SSBP3: variants seen among roughly 807,000 people sequenced by gnomAD.
The protein encoded by SSBP3 is single stranded DNA binding protein 3.
A neutral mutation model predicts 69.6 loss-of-function variants in SSBP3; 5 were observed. That is an observed-to-expected ratio of 0.07 (90% CI 0.04 to 0.15). SSBP3 has a LOEUF of 0.15. SSBP3 is among the 10% of genes least tolerant of loss of function. SSBP3 has a pLI of 1.00. For synonymous variants in SSBP3, 196 were observed against 193.4 expected, an observed-to-expected ratio of 1.01 and a Z score of -0.11; for missense variants, 312 against 534.0, an observed-to-expected ratio of 0.58 and a Z score of 4.10.
intron 4 of SSBP3, 49 bp from the exon 5 acceptor site, chr1:54,281,576 GAC>G (rs768909734): frequency 7.4e-5 from 111 of 1,507,138 alleles, no homozygotes; most frequent in Non-Finnish European, 1.6e-5. Flanking sequence ...CACAACCAGA[GAC>G]ACAGAGTTCT....
chr1:54,264,024 TG>T (rs1415248970), intron 5 of SSBP3, among the ~76,000 whole-genome samples: 4 of 152,130 alleles, frequency 2.6e-5, no homozygotes, highest in Non-Finnish European at 5.9e-5. Flanking sequence ...ACGAACAGGC[TG>T]GGCACATGGC....
chr1:54,299,916 C>A (rs1053301983), intron 4 of SSBP3, among the ~76,000 whole-genome samples: 6 of 152,186 alleles, frequency 3.9e-5, no homozygotes, highest in African/African-American at 9.7e-5. Context: ...CCCAGCTCCA[C>A]CGACATAATT....
intron 4 of SSBP3, among the ~76,000 whole-genome samples, chr1:54,292,635 C>A (rs974881500): frequency 2.6e-5 from 4 of 152,198 alleles, no homozygotes; most frequent in Non-Finnish European, 5.9e-5. Context: ...TCAGACCAGA[C>A]AGCGGTGACC....
intron 4 of SSBP3, among the ~76,000 whole-genome samples, chr1:54,289,884 G>T (rs1238449041): frequency 6.6e-6 from 1 of 152,136 alleles, no homozygotes; most frequent in Non-Finnish European, 1.5e-5. Flanking sequence ...CAGGCGAGGA[G>T]CCAGCCACCT....
rs1039998349 is a variant in SSBP3, at chr1:54,305,639, G to A, written c.277-24112C>T. 3.3e-3 allele frequency among the ~76,000 whole-genome samples: 487 copies of A among 145,730 alleles called. 4 individuals carry two copies. Among genetic ancestry groups the A allele is most frequent in the African/African-American group, 0.012 (466 of 38,010 alleles). ...TTCTTTAAAAAAAAAAAAAAAGAGA[G>A]AGAGAGAGAGACGAGGTCTCATTAT... On this transcript the variant is annotated intron_variant, in intron 4 of 17. Coordinates refer to ENST00000610401, the Ensembl canonical transcript of SSBP3.
intron 4 of SSBP3, among the ~76,000 whole-genome samples, chr1:54,305,654 G>T (rs1343466888): frequency 1.3e-5 from 2 of 151,214 alleles, no homozygotes. Flanking sequence ...AGAGAGACGA[G>T]GTCTCATTAT....
At chr1:54,270,120 T>C (rs1168758182) in intron 5 of SSBP3, among the ~76,000 whole-genome samples, 1 of 152,208 alleles carries the variant, frequency 6.6e-6, no homozygotes, top group East Asian at 1.9e-4. Flanking sequence ...ACACACCTTA[T>C]GCTGGTACAA....
intron 5 of SSBP3, among the ~76,000 whole-genome samples, chr1:54,272,190 G>C (rs1645204871): frequency 6.6e-6 from 1 of 152,176 alleles, no homozygotes; most frequent in South Asian, 2.1e-4. Context: ...TTGCCTGGGA[G>C]TTAACTTAGG....
chr1:54,274,085 C>T (rs1205459221), intron 5 of SSBP3, among the ~76,000 whole-genome samples: 1 of 152,184 alleles, frequency 6.6e-6, no homozygotes, highest in Non-Finnish European at 1.5e-5. Flanking sequence ...CACCTCTGTC[C>T]TCTTCCCCAG....
intron 4 of SSBP3, among the ~76,000 whole-genome samples, chr1:54,400,322 A>T (rs1312738692): frequency 6.6e-6 from 1 of 151,200 alleles, no homozygotes; most frequent in African/African-American, 2.4e-5. Context: ...AACTATTTAC[A>T]TAGCAGTCAA....
chr1:54,327,861 C>G (rs180864784), intron 4 of SSBP3, among the ~76,000 whole-genome samples: 1 of 152,198 alleles, frequency 6.6e-6, no homozygotes, highest in Non-Finnish European at 1.5e-5. Flanking sequence ...ATCCCAGGCA[C>G]GCTCTAGCTG....
At chr1:54,332,069 G>C (rs1243514416) in intron 4 of SSBP3, among the ~76,000 whole-genome samples, 1 of 152,206 alleles carries the variant, frequency 6.6e-6, no homozygotes, top group African/African-American at 2.4e-5. Context: ...GGCTCAGAAA[G>C]GTTGAAGGAC....
In SSBP3 at chr1:54,228,182, G is replaced by GTAGCTCGCAACTTGT; in HGVS notation, c.1137+58_1137+72dup. The GTAGCTCGCAACTTGT allele has an allele frequency of 2.1e-6, 3 of 1,399,294 alleles. No homozygotes were observed. The Admixed American group carries it at 5.0e-5, about 24-fold the overall frequency. The allele number at this position is 1,399,294 out of a possible 1,614,324, so 86.7% of individuals were successfully genotyped here. On this transcript the variant is annotated intron_variant, in intron 17 of 17. Coordinates refer to ENST00000610401, the Ensembl canonical transcript of SSBP3. ...AGCTGGCAGGCTGCAGCCCGGCTCC[G>GTAGCTCGCAACTTGT]TAGCTCGCAACTTGTTAGGAAAGAG...
At chr1:54,403,104 A>C (rs927773099) in intron 3 of SSBP3, among the ~76,000 whole-genome samples, 1 of 152,200 alleles carries the variant, frequency 6.6e-6, no homozygotes, top group African/African-American at 2.4e-5. Flanking sequence ...GCTCAGTGTC[A>C]AATCGCACAA....
At chr1:54,399,300 G>GTTAC (rs1213902360) in intron 4 of SSBP3, among the ~76,000 whole-genome samples, 1 of 152,260 alleles carries the variant, frequency 6.6e-6, no homozygotes, top group East Asian at 1.9e-4. Flanking sequence ...GCCAGGTGGT[G>GTTAC]TTAGAAACAC....
intron 4 of SSBP3, among the ~76,000 whole-genome samples, chr1:54,375,493 T>C (rs913730489): frequency 1.3e-5 from 2 of 152,178 alleles, no homozygotes; most frequent in African/African-American, 4.8e-5. Context: ...TGAGGCCTGC[T>C]TGAAGCTGCT....
At chr1:54,340,181 GAACAAATTAATTTT>G (rs1646582941) in intron 4 of SSBP3, among the ~76,000 whole-genome samples, 1 of 152,064 alleles carries the variant, frequency 6.6e-6, no homozygotes, top group Non-Finnish European at 1.5e-5. Flanking sequence ...AAAATTAATT[GAACAAATTAATTTT>G]ATCTCTCTTG....
At chr1:54,389,534 C>CA (rs1455298066) in intron 4 of SSBP3, among the ~76,000 whole-genome samples, 1 of 151,924 alleles carries the variant, frequency 6.6e-6, no homozygotes, top group Non-Finnish European at 1.5e-5. Context: ...CCAGGCTGGG[C>CA]AGGGGGTCAT....
At chr1:54,239,516 C>T (rs2100626778) in intron 13 of SSBP3, among the ~76,000 whole-genome samples, 1 of 150,762 alleles carries the variant, frequency 6.6e-6, no homozygotes, top group East Asian at 1.9e-4. Context: ...AGCAGAACCA[C>T]CACCTGTGCT....
Sources: gnomAD v4.1 joint callset for allele counts (sites outside exome capture counted in the v4.1 genomes callset) on GRCh38, gnomAD v4.1.1 for gene constraint, MANE v1.5 for transcripts, NCBI Gene and HGNC (gene_info 2026-07-23, HGNC 2026-07-21) for gene names.